RUNX1T1: variants seen among roughly 807,000 people sequenced by gnomAD.
RUNX1T1 encodes protein CBFA2T1.
RUNX1T1 carries 4 observed loss-of-function variants against 62.8 expected under a neutral mutation model. The observed-to-expected ratio is 0.06, with a 90% CI of 0.03 to 0.15. RUNX1T1 has a LOEUF of 0.15. Among genes scored for constraint, RUNX1T1 ranks in the 10% least tolerant of loss-of-function variants. RUNX1T1 has a pLI of 1.00. For missense variants in RUNX1T1, 508 were observed against 754.3 expected (o/e 0.67, Z 3.82); for synonymous variants, 291 against 286.0 (o/e 1.02, Z -0.18).
At chr8:92,002,400 CAAT>C (rs60196324) in intron 5 of RUNX1T1, among the ~76,000 whole-genome samples, 353 of 151,846 alleles carry the variant, frequency 2.3e-3, no homozygotes, top group African/African-American at 8.0e-3. Context: ...CTGTAAATAA[CAAT>C]AATGTTTAAA....
chr8:91,986,157 G>T, exon 8 of RUNX1T1: 1 of 1,614,094 alleles, frequency 6.2e-7, no homozygotes, highest in Non-Finnish European at 8.5e-7. Context: ...ACGGGACTCT[G>T]CTGCCTAGAG....
chr8:92,062,410 CCT>C (rs1832190403), intron 1 of RUNX1T1: 27 of 946,098 alleles, frequency 2.9e-5, no homozygotes, highest in South Asian at 2.7e-4. Flanking sequence ...TCCAATCACA[CCT>C]CTGTCACCCC....
chr8:92,054,418 C>T (rs1479432532), intron 1 of RUNX1T1, among the ~76,000 whole-genome samples: 1 of 152,148 alleles, frequency 6.6e-6, no homozygotes, highest in Non-Finnish European at 1.5e-5. Flanking sequence ...TATTTTTTAA[C>T]TCCAGACAGC....
chr8:92,005,766 A>G (rs905109697), intron 4 of RUNX1T1: 1 of 152,844 alleles, frequency 6.5e-6, no homozygotes, highest in Non-Finnish European at 1.5e-5. Flanking sequence ...AATCCCAGAA[A>G]ATATCTTTTG....
At chr8:91,992,257 G>C (rs1229142294) in intron 5 of RUNX1T1, among the ~76,000 whole-genome samples, 2 of 152,128 alleles carry the variant, frequency 1.3e-5, no homozygotes, top group South Asian at 4.1e-4. Flanking sequence ...ATTTGATGAA[G>C]ATTCATCAAG....
intron 8 of RUNX1T1, among the ~76,000 whole-genome samples, chr8:91,976,639 CT>C (rs1473332551): frequency 6.6e-6 from 1 of 152,180 alleles, no homozygotes; most frequent in African/African-American, 2.4e-5. Flanking sequence ...AAATGCTGTG[CT>C]TACTAGGCGT....
At chr8:92,034,492 C>T (rs1313004859) in intron 1 of RUNX1T1, among the ~76,000 whole-genome samples, 1 of 152,020 alleles carries the variant, frequency 6.6e-6, no homozygotes, top group East Asian at 1.9e-4. Context: ...AAATTCTTTA[C>T]ATATAATTAT....
At chr8:92,048,427 T>G (rs1178084125) in intron 1 of RUNX1T1, among the ~76,000 whole-genome samples, 3 of 152,056 alleles carry the variant, frequency 2.0e-5, no homozygotes. Context: ...ACCTGTAATC[T>G]CAACACTTTG....
intron 8 of RUNX1T1, among the ~76,000 whole-genome samples, chr8:91,976,487 TTTTTCACACAAA>T (rs1426168264): frequency 6.6e-6 from 1 of 151,960 alleles, no homozygotes; most frequent in Non-Finnish European, 1.5e-5. Context: ...ACCATTAAAA[TTTTTCACACAAA>T]TTAGATCATA....
intron 1 of RUNX1T1, among the ~76,000 whole-genome samples, chr8:92,080,572 T>C (rs1237308968): frequency 6.6e-6 from 1 of 152,234 alleles, no homozygotes; most frequent in Non-Finnish European, 1.5e-5. Context: ...TATCTCACAA[T>C]TGAGCATGTC....
upstream of RUNX1T1, among the ~76,000 whole-genome samples, chr8:92,063,307 G>A (rs1025501353): frequency 2.6e-5 from 4 of 152,036 alleles, no homozygotes; most frequent in African/African-American, 9.7e-5. Flanking sequence ...TATTTTACTC[G>A]AGTGCTTTTA....
At chr8:92,042,613 C>T (rs1377727424) in intron 1 of RUNX1T1, among the ~76,000 whole-genome samples, 1 of 152,222 alleles carries the variant, frequency 6.6e-6, no homozygotes, top group Non-Finnish European at 1.5e-5. Flanking sequence ...GCACCATGCC[C>T]ACCCACTTGA....
At chr8:91,992,907 A>C (rs1817951546) in intron 5 of RUNX1T1, among the ~76,000 whole-genome samples, 1 of 152,242 alleles carries the variant, frequency 6.6e-6, no homozygotes, top group African/African-American at 2.4e-5. Context: ...GTAAAGCAGT[A>C]ATTTCTGGCT....
At chr8:91,992,063 T>A (rs1817786997) in intron 5 of RUNX1T1, among the ~76,000 whole-genome samples, 174 bp from the exon 7 acceptor site, 1 of 152,196 alleles carries the variant, frequency 6.6e-6, no homozygotes, top group South Asian at 2.1e-4. Context: ...TGTCGAGACC[T>A]AAATGATCAC....
chr8:91,969,693 C>G (rs1315464387), intron 10 of RUNX1T1, among the ~76,000 whole-genome samples: 2 of 152,164 alleles, frequency 1.3e-5, no homozygotes, highest in Non-Finnish European at 2.9e-5. Flanking sequence ...TAAATAGAAA[C>G]TCTGGGCATT....
chr8:91,964,544 T>C (rs1586702609), intron 10 of RUNX1T1, among the ~76,000 whole-genome samples: 1 of 152,160 alleles, frequency 6.6e-6, no homozygotes, highest in East Asian at 1.9e-4. Context: ...TTAAAATCAT[T>C]TTCACATGAT....
chr8:92,005,884 A>G (rs1009749613), intron 4 of RUNX1T1: 2 of 152,244 alleles, frequency 1.3e-5, no homozygotes, highest in African/African-American at 4.8e-5. Context: ...GCCTGGGTAC[A>G]GTCACATATC....
intron 1 of RUNX1T1, among the ~76,000 whole-genome samples, chr8:92,085,673 C>G (rs548728519): frequency 6.6e-6 from 1 of 152,040 alleles, no homozygotes; most frequent in South Asian, 2.1e-4. Flanking sequence ...AAAGAATTGC[C>G]AGCATGTTTT....
intron 1 of RUNX1T1, chr8:92,017,816 C>T (rs1823310177): frequency 6.0e-6 from 1 of 166,384 alleles, no homozygotes. Flanking sequence ...TTCTCTTACA[C>T]CTGCCATCCC....
Sources: allele counts gnomAD v4.1 joint callset (sites outside exome capture counted in the v4.1 genomes callset), GRCh38; gene constraint gnomAD v4.1.1; transcripts MANE v1.5; gene names NCBI Gene and HGNC (gene_info 2026-07-23, HGNC 2026-07-21).